The following SLC24A2 variants were observed in gnomAD, a reference collection of about 807,000 sequenced individuals.
SLC24A2 encodes solute carrier family 24 member 2, also known as sodium/potassium/calcium exchanger 2.
In SLC24A2, 36 loss-of-function variants were observed where a neutral mutation model predicts 62.0. The ratio of observed to expected loss-of-function variants is 0.58; its 90% CI spans 0.44 to 0.77. SLC24A2 has a LOEUF of 0.77. SLC24A2 is among the 30% of genes least tolerant of loss of function. The probability of loss-of-function intolerance (pLI) is 0.00; values close to 1 mark genes in which losing one functional copy is unlikely to be tolerated. For missense variants in SLC24A2, 846 were observed against 817.9 expected, an observed-to-expected ratio of 1.03 and a Z score of -0.42; for synonymous variants, 358 against 294.0, an observed-to-expected ratio of 1.22 and a Z score of -2.23.
intron 2 of SLC24A2, among the ~76,000 whole-genome samples, chr9:19,723,826 C>A (rs1198085155): frequency 6.6e-6 from 1 of 151,946 alleles, no homozygotes; most frequent in East Asian, 1.9e-4. Flanking sequence ...CATCATACTT[C>A]AGGACAGTAG....
the SLC24A2 span, among the ~76,000 whole-genome samples, chr9:20,105,798 A>C: frequency 6.6e-6 from 1 of 152,120 alleles, no homozygotes; most frequent in Non-Finnish European, 1.5e-5. Context: ...ACTAAAAAGC[A>C]AGAGCAAACA....
the SLC24A2 span, among the ~76,000 whole-genome samples, chr9:19,991,791 T>C: frequency 1.2e-4 from 19 of 152,094 alleles, no homozygotes; most frequent in African/African-American, 4.1e-4. Context: ...AAGTCAGTGG[T>C]TGATTATAGA....
chr9:20,093,226 C>G, the SLC24A2 span, among the ~76,000 whole-genome samples: 1 of 151,836 alleles, frequency 6.6e-6, no homozygotes, highest in African/African-American at 2.4e-5. Flanking sequence ...GCATGCACGA[C>G]CACACCTGGC....
At chr9:19,922,411 C>G in the SLC24A2 span, among the ~76,000 whole-genome samples, 1 of 151,954 alleles carries the variant, frequency 6.6e-6, no homozygotes, top group Non-Finnish European at 1.5e-5. Flanking sequence ...TTTTATGCAC[C>G]CTATTTATTT....
chr9:19,985,302 A>T, the SLC24A2 span, among the ~76,000 whole-genome samples: 1,612 of 152,320 alleles, frequency 0.011, 30 homozygotes, highest in African/African-American at 0.036. Flanking sequence ...TGTACATAGC[A>T]ACTTCATTCA....
At chr9:20,010,969 A>G in the SLC24A2 span, among the ~76,000 whole-genome samples, 2 of 152,068 alleles carry the variant, frequency 1.3e-5, no homozygotes, top group African/African-American at 2.4e-5. Flanking sequence ...ATGGTATTCC[A>G]TGGTGTATAT....
At chr9:19,766,548 G>A (rs1822521636) in intron 2 of SLC24A2, among the ~76,000 whole-genome samples, 1 of 152,186 alleles carries the variant, frequency 6.6e-6, no homozygotes, top group Admixed American at 6.5e-5. Context: ...CCTCCTAACA[G>A]ACAGGCCCCT....
In SLC24A2 at chr9:19,679,121, T is replaced by C. The variant is rs369351613; in HGVS notation, c.931-56822A>G. On this transcript the variant is annotated intron_variant, in intron 2 of 10. Transcript: ENST00000341998. ...AGGGGATTGAGGCAGTCACCCACCC[T>C]GTTATCCGAGTTTGCATTATTATAG... 3.9e-5 allele frequency among the ~76,000 whole-genome samples: 6 copies of C among 152,290 alleles called. No homozygotes were observed. In the East Asian group the frequency reaches 1.2e-3, roughly 29 times the overall value.
intron 7 of SLC24A2, among the ~76,000 whole-genome samples, chr9:19,551,875 T>C (rs184934641): frequency 1.8e-3 from 273 of 152,272 alleles, no homozygotes; most frequent in African/African-American, 6.3e-3. Context: ...CCCTAGGAGT[T>C]ACAATTTGAA....
the SLC24A2 span, among the ~76,000 whole-genome samples, chr9:19,952,750 T>A: frequency 1.3e-5 from 2 of 151,712 alleles, no homozygotes; most frequent in Admixed American, 1.3e-4. Context: ...AGGGTAATAC[T>A]GGCTTTATAA....
chr9:20,084,853 G>A, the SLC24A2 span, among the ~76,000 whole-genome samples: 1 of 152,148 alleles, frequency 6.6e-6, no homozygotes, highest in Non-Finnish European at 1.5e-5. Flanking sequence ...CTTCTTTTCA[G>A]GAATCTAGTT....
the SLC24A2 span, among the ~76,000 whole-genome samples, chr9:19,904,604 A>C: frequency 6.6e-6 from 1 of 152,178 alleles, no homozygotes; most frequent in Non-Finnish European, 1.5e-5. Flanking sequence ...TTGGGGGGAA[A>C]ATAGAGACTA....
intron 7 of SLC24A2, among the ~76,000 whole-genome samples, chr9:19,572,559 A>G (rs1352941573): frequency 6.6e-6 from 1 of 152,110 alleles, no homozygotes; most frequent in Non-Finnish European, 1.5e-5. Flanking sequence ...ATGGTAAGAC[A>G]TGCTTGCTTC....
At chr9:19,564,724 C>G (rs1183644591) in intron 7 of SLC24A2, among the ~76,000 whole-genome samples, 1 of 152,174 alleles carries the variant, frequency 6.6e-6, no homozygotes, top group Non-Finnish European at 1.5e-5. Context: ...AAAGCCGTCT[C>G]ATGCTACATG....
At chr9:20,150,134 G>A in the SLC24A2 span, among the ~76,000 whole-genome samples, 24,185 of 151,842 alleles carry the variant, frequency 0.16, 2,658 homozygotes, top group East Asian at 0.4. Context: ...TGAAGTACCC[G>A]CAACTGACCT....
chr9:20,045,063 G>A, the SLC24A2 span, among the ~76,000 whole-genome samples: 1 of 152,080 alleles, frequency 6.6e-6, no homozygotes, highest in Non-Finnish European at 1.5e-5. Context: ...TATTTTTGTT[G>A]TATTAAATAA....
At chr9:20,049,226 T>G in the SLC24A2 span, among the ~76,000 whole-genome samples, 1 of 152,234 alleles carries the variant, frequency 6.6e-6, no homozygotes, top group African/African-American at 2.4e-5. Flanking sequence ...TTTTCTATTT[T>G]GTAATGGTTA....
chr9:19,899,700 A>C, the SLC24A2 span, among the ~76,000 whole-genome samples: 1 of 152,262 alleles, frequency 6.6e-6, no homozygotes, highest in Non-Finnish European at 1.5e-5. Context: ...ATTGACTCAC[A>C]GTTCAGCATG....
At chr9:19,914,773 T>C in the SLC24A2 span, among the ~76,000 whole-genome samples, 1 of 152,012 alleles carries the variant, frequency 6.6e-6, no homozygotes, top group African/African-American at 2.4e-5. Context: ...ATTTCATAGA[T>C]GAGAAAATGG....
Sources: gnomAD v4.1 joint callset for allele counts (sites outside exome capture counted in the v4.1 genomes callset) on GRCh38, gnomAD v4.1.1 for gene constraint, MANE v1.5 for transcripts, NCBI Gene and HGNC (gene_info 2026-07-23, HGNC 2026-07-21) for gene names.